The following WASHC4 variants were observed in gnomAD, a reference collection of about 807,000 sequenced individuals.
The protein encoded by WASHC4 is WASH complex subunit 4, also known as WASH complex subunit 7.
Under a neutral mutation model 166.6 loss-of-function variants are expected in WASHC4, and 86 were observed. The ratio of observed to expected loss-of-function variants is 0.52; its 90% CI spans 0.43 to 0.62. The LOEUF (loss-of-function observed/expected upper bound fraction) is 0.62, where lower values mean the gene tolerates loss of function less well. WASHC4 is among the 20% of genes least tolerant of loss of function. The pLI is 0.00. For synonymous variants in WASHC4, 446 were observed against 451.6 expected (o/e 0.99, Z 0.16); for missense variants, 1,262 against 1,382.4 (o/e 0.91, Z 1.38).
intron 1 of WASHC4, among the ~76,000 whole-genome samples, chr12:105,108,827 TA>T: frequency 6.6e-6 from 1 of 152,302 alleles, no homozygotes; most frequent in Non-Finnish European, 1.5e-5. Context: ...GAAGAGAGAC[TA>T]ATGCCTACAA....
chr12:105,109,230 T>A (rs1264217376), intron 1 of WASHC4, among the ~76,000 whole-genome samples: 1 of 152,182 alleles, frequency 6.6e-6, no homozygotes, highest in Non-Finnish European at 1.5e-5. Context: ...GAACTGTACC[T>A]TGTCATATAT....
At chr12:105,158,910 C>T (rs1465145508) in intron 28 of WASHC4, among the ~76,000 whole-genome samples, 1 of 152,054 alleles carries the variant, frequency 6.6e-6, no homozygotes, top group East Asian at 1.9e-4. Flanking sequence ...GTTCATTATA[C>T]TATATTTTAA....
Position 105,140,297 on chromosome 12 carries a change from A to G in WASHC4, c.1456A>G (p.Ile486Val), listed in dbSNP as rs368861615. Residue 486 changes from isoleucine (I) to valine (V), a missense_variant, in exon 16 of 33, where the codon ATA becomes GTA. Coordinates refer to ENST00000332180, the MANE Select transcript of WASHC4 (RefSeq NM_015275.3). ...AATTATTTCTGATTCTTTTTAGGCA[A>G]TAGAGCATATGTTCTACAGGAGAAG... ...LCRLVELLKA[I>V]EHMFYRRSMV... is the part of the protein sequence containing the mutation. The G allele has an allele frequency of 8.7e-6, 14 of 1,608,462 alleles. No homozygotes were observed. Among genetic ancestry groups the G allele is most frequent in the African/African-American group, 4.0e-5 (3 of 74,816 alleles).
At chr12:105,108,435 G>T (rs527468847) in intron 1 of WASHC4, among the ~76,000 whole-genome samples, 1 of 152,270 alleles carries the variant, frequency 6.6e-6, no homozygotes, top group East Asian at 1.9e-4. Flanking sequence ...TCATTTTCCA[G>T]GCCTTTTATT....
chr12:105,140,581 C>A (rs564585552), intron 16 of WASHC4, among the ~76,000 whole-genome samples, 180 bp downstream of exon 16: 32 of 152,232 alleles, frequency 2.1e-4, no homozygotes, highest in African/African-American at 7.2e-4. Flanking sequence ...ATTATCTTTA[C>A]TGTGAAATTG....
chr12:105,122,077 T>C, intron 9 of WASHC4, 41 bp from the exon 10 acceptor site: 1 of 1,431,354 alleles, frequency 7.0e-7, no homozygotes, highest in Non-Finnish European at 9.7e-7. Flanking sequence ...TTTAAGAATT[T>C]ATTAGGTAGA....
rs137923147 is a variant in WASHC4 at position 105,119,544 on chromosome 12, C to T, written c.519-1011C>T. Among the ~76,000 whole-genome samples, 98 of 152,154 alleles carry T rather than the reference C, an allele frequency of 6.4e-4. 1 individual carries two copies. The East Asian group carries it at 0.015, about 23-fold the overall frequency. ...ACTGGAGTGTTAACTGTTTCTTATT[C>T]TCCCATTTTCCCCCTCAGTTAGGTA... On this transcript the variant is annotated intron_variant, in intron 7 of 32. Transcript: ENST00000332180.
At position 105,167,896 on chromosome 12, in the gene WASHC4, C is replaced by G. The variant is rs1050084199; in HGVS notation, c.*965C>G. The G allele has an allele frequency of 6.6e-6, 1 of 152,414 alleles. No individual in the cohort carries two copies. The highest frequency in any genetic ancestry group is 2.4e-5 in the African/African-American group (1 of 41,418). 9.4% of individuals were successfully genotyped at this position (152,414 alleles called of 1,614,324 possible). A position where few individuals can be genotyped will look rare whatever the true frequency, so the allele number is the denominator to read the frequency against. On this transcript the variant is annotated 3_prime_UTR_variant, in exon 33 of 33. Coordinates refer to ENST00000332180, the MANE Select transcript of WASHC4 (RefSeq NM_015275.3). Reference sequence around the variant, plus strand: ...AGAATAAAGCGCTAGCAAGATACATCACTTACTGATTTTAAAAATACAGAA... The same window carrying G: ...AGAATAAAGCGCTAGCAAGATACATGACTTACTGATTTTAAAAATACAGAA...
In WASHC4 at chr12:105,126,117, A is replaced by C; in HGVS notation, c.900A>C (p.Glu300Asp). Reference sequence around the variant, plus strand: ...TTCGGTCAATTTTTGCAAATGTAGAAGCCAAACTTGGTAATGTAAATCGCA... The same window carrying C: ...TTCGGTCAATTTTTGCAAATGTAGACGCCAAACTTGGTAATGTAAATCGCA... Reference protein sequence around the residue: ...HSIRSIFANVEAKLGEPSEID... With the variant: ...HSIRSIFANVDAKLGEPSEID... Residue 300 changes from glutamate (E) to aspartate (D), a missense_variant, in exon 11 of 33, where the codon GAA becomes GAC. Physicochemically the swap from Glu to Asp is conservative, Grantham distance 45. Transcript: ENST00000332180. The C allele has an allele frequency of 6.2e-7, 1 of 1,613,044 alleles. No individual in the cohort carries two copies. The highest frequency in any genetic ancestry group is 2.2e-5 in the East Asian group (1 of 44,708).
chr12:105,154,324 C>T lies in WASHC4; in HGVS notation c.2758+1873C>T, dbSNP rs573996472. Among the ~76,000 whole-genome samples, 140 of 152,252 alleles carry T rather than the reference C, an allele frequency of 9.2e-4. 1 individual carries two copies. Among genetic ancestry groups the T allele is most frequent in the African/African-American group, 1.1e-3 (46 of 41,536 alleles). ...GATTACAGGCGTGAGCCACTGCGCC[C>T]GGCCAATACAAATTCTTTACCTCTG... is the stretch of plus-strand genomic sequence containing the variant. On this transcript the variant is annotated intron_variant, in intron 26 of 32. Coordinates refer to ENST00000332180, the MANE Select transcript of WASHC4 (RefSeq NM_015275.3).
rs375932805 is a variant in WASHC4 at position 105,164,130 on chromosome 12, G to A, written c.3177G>A (p.Lys1059=). 1.3e-4 allele frequency: 215 copies of A among 1,614,020 alleles called. No individual in the cohort carries two copies. The highest frequency in any genetic ancestry group is 1.7e-4 in the Non-Finnish European group (196 of 1,180,014). The change falls in exon 31 of 33, where the codon AAG becomes AAA. Residue 1059 remains lysine, a synonymous_variant. Coordinates refer to ENST00000332180, the MANE Select transcript of WASHC4 (RefSeq NM_015275.3). The part of the protein sequence containing the change: ...GFAMGVAYIL[K]LLDQYREFDS... ...CTGCAGGTGTGGCTTACATTCTAAAGCTTTTGGATCAGTATCGGGAGTTTG... is the reference window on the plus strand; with the variant it reads ...CTGCAGGTGTGGCTTACATTCTAAAACTTTTGGATCAGTATCGGGAGTTTG...
intron 29 of WASHC4, 79 bp from the exon 30 acceptor site, chr12:105,162,670 T>G (rs948397646): frequency 2.6e-6 from 2 of 757,074 alleles, no homozygotes; most frequent in Non-Finnish European, 4.7e-6. Flanking sequence ...TATTTATAAT[T>G]TTTAAAATGT....
At position 105,140,357 on chromosome 12, in the gene WASHC4, C is replaced by G. The variant is rs1308693857; in HGVS notation, c.1516C>G (p.Gln506Glu). 1.9e-6 allele frequency: 3 copies of G among 1,613,826 alleles called. No homozygotes were observed. The Admixed American group carries it at 5.0e-5, about 27-fold the overall frequency. Residue 506 changes from glutamine (Q) to glutamate (E), a missense_variant, in exon 16 of 33, where the codon CAG becomes GAG. Physicochemically the swap from Gln to Glu is conservative, Grantham distance 29. Coordinates refer to ENST00000332180, the MANE Select transcript of WASHC4 (RefSeq NM_015275.3). ...VVADSVSHITQHLQHQALHSI... is the reference protein window; with the variant it reads ...VVADSVSHITEHLQHQALHSI... ...GGCTGATTCAGTTTCACATATAACA[C>G]AGCACCTTCAACATCAGGCTCTTCA...
chr12:105,134,039 TATTA>T, intron 14 of WASHC4, 143 bp downstream of exon 14: 1 of 720,908 alleles, frequency 1.4e-6, no homozygotes, highest in Admixed American at 2.5e-5. Context: ...CTGTGTGACT[TATTA>T]ATTTAAATTT....
intron 20 of WASHC4, among the ~76,000 whole-genome samples, 195 bp downstream of exon 20, chr12:105,143,438 AG>A (rs1883034461): frequency 6.6e-6 from 1 of 152,036 alleles, no homozygotes; most frequent in Non-Finnish European, 1.5e-5. Context: ...AAATCACACT[AG>A]GAATTAGGAG....
chr12:105,147,236 A>G (rs1883370689), intron 24 of WASHC4, 90 bp downstream of exon 24: 1 of 792,698 alleles, frequency 1.3e-6, no homozygotes, highest in African/African-American at 1.7e-5. Flanking sequence ...CGGTAAACAT[A>G]CACTACTAGT....
At chr12:105,166,431 T>G (rs1238555501) in intron 32 of WASHC4, among the ~76,000 whole-genome samples, 1 of 152,198 alleles carries the variant, frequency 6.6e-6, no homozygotes, top group Non-Finnish European at 1.5e-5. Flanking sequence ...AAGTTATTCA[T>G]TCTGGACAGT....
Position 105,164,706 on chromosome 12 carries a change from G to C in WASHC4, c.3420G>C (p.Ala1140=), listed in dbSNP as rs200172761. The change falls in exon 32 of 33, where the codon GCG becomes GCC. Residue 1140 remains alanine (A), a synonymous_variant. Transcript: ENST00000332180. ...ARIFFRADKT[A]AEENQEKKEK... is the part of the protein sequence containing the mutation. ...TTTTCTTCAGAGCAGACAAGACTGC[G>C]GCTGAAGAAAACCAAGAAAAGAAAG... 3 of 1,613,160 alleles carry C rather than the reference G, an allele frequency of 1.9e-6. No individual in the cohort carries two copies. Among genetic ancestry groups the C allele is most frequent in the Non-Finnish European group, 2.5e-6 (3 of 1,179,480 alleles).
At chr12:105,163,081 C>T (rs544326212) in intron 30 of WASHC4, among the ~76,000 whole-genome samples, 1 of 152,124 alleles carries the variant, frequency 6.6e-6, no homozygotes, top group African/African-American at 2.4e-5. Context: ...CTCAGCCTCC[C>T]GAGTAGCTGG....
Sources: gnomAD v4.1 joint callset for allele counts (sites outside exome capture counted in the v4.1 genomes callset) on GRCh38, gnomAD v4.1.1 for gene constraint, MANE v1.5 for transcripts, NCBI Gene and HGNC (gene_info 2026-07-23, HGNC 2026-07-21) for gene names.